SLC9A9: variants seen among roughly 807,000 people sequenced by gnomAD.
SLC9A9 encodes the protein solute carrier family 9 member A9.
SLC9A9 carries 62 observed loss-of-function variants against 77.8 expected under a neutral mutation model. The ratio of observed to expected loss-of-function variants is 0.80; its 90% CI spans 0.65 to 0.98. The LOEUF (loss-of-function observed/expected upper bound fraction) is 0.98, where lower values mean the gene tolerates loss of function less well. Among genes scored for constraint, SLC9A9 ranks in the 50% least tolerant of loss-of-function variants. The probability of loss-of-function intolerance (pLI) is 0.00; values close to 1 mark genes in which losing one functional copy is unlikely to be tolerated. For synonymous variants in SLC9A9, 320 were observed against 283.5 expected, an observed-to-expected ratio of 1.13 and a Z score of -1.29; for missense variants, 775 against 774.9, an observed-to-expected ratio of 1.00 and a Z score of 0.00.
intron 4 of SLC9A9, among the ~76,000 whole-genome samples, chr3:143,777,551 T>C (rs2007731268): frequency 6.6e-6 from 1 of 152,130 alleles, no homozygotes; most frequent in Non-Finnish European, 1.5e-5. Flanking sequence ...AGCTATAACA[T>C]AAAAATGATT....
At chr3:143,606,400 ATCTCTCTCTCTCTC>A (rs746582477) in intron 6 of SLC9A9, among the ~76,000 whole-genome samples, 15 of 76,450 alleles carry the variant, frequency 2.0e-4, no homozygotes, top group African/African-American at 8.5e-4. Flanking sequence ...GAAAGAGTGA[ATCTCTCTCTCTCTC>A]TCTCTCTCTC....
intron 12 of SLC9A9, among the ~76,000 whole-genome samples, chr3:143,398,413 G>A (rs2033776657): frequency 6.6e-6 from 1 of 152,158 alleles, no homozygotes; most frequent in Non-Finnish European, 1.5e-5. Context: ...AAGCGTGGAA[G>A]GCAGGCAGCG....
chr3:143,719,885 G>A (rs751041169), intron 4 of SLC9A9, among the ~76,000 whole-genome samples: 1 of 152,030 alleles, frequency 6.6e-6, no homozygotes, highest in South Asian at 2.1e-4. Flanking sequence ...CGGAGTCAGA[G>A]GCCTTCATAC....
chr3:143,322,861 A>G (rs1475538228), intron 14 of SLC9A9, among the ~76,000 whole-genome samples: 2 of 152,206 alleles, frequency 1.3e-5, no homozygotes, highest in Admixed American at 1.3e-4. Context: ...TGATAAAGCC[A>G]ATAAGAACTA....
intron 11 of SLC9A9, among the ~76,000 whole-genome samples, chr3:143,475,791 C>CA (rs374147740): frequency 0.51 from 66,523 of 129,436 alleles, 17,323 homozygotes; most frequent in Non-Finnish European, 0.6. Flanking sequence ...GACTCCATCT[C>CA]AAAAAAAAAA....
At chr3:143,518,364 T>C in intron 9 of SLC9A9, 1 of 615,208 alleles carries the variant, frequency 1.6e-6, no homozygotes, top group Non-Finnish European at 2.9e-6. Flanking sequence ...TGTTATCTAT[T>C]GAGTAGATAT....
In SLC9A9 at chr3:143,299,891, G is replaced by A. The variant is rs548625556; in HGVS notation, c.1605-30911C>T. 3.9e-5 allele frequency among the ~76,000 whole-genome samples: 6 copies of A among 152,324 alleles called. No individual in the cohort carries two copies. In the South Asian group the frequency reaches 8.3e-4, roughly 21 times the overall value. Reference sequence around the variant, plus strand: ...TTATCCTGGCTTTAAAGAGCTAGATGACCTCAGGTAGGTCACTTAAACTTT... The same window carrying A: ...TTATCCTGGCTTTAAAGAGCTAGATAACCTCAGGTAGGTCACTTAAACTTT... On this transcript the variant is annotated intron_variant, in intron 14 of 15. Transcript: ENST00000316549.
intron 12 of SLC9A9, among the ~76,000 whole-genome samples, chr3:143,395,173 G>A (rs1307653442): frequency 6.6e-6 from 1 of 152,166 alleles, no homozygotes; most frequent in East Asian, 1.9e-4. Context: ...AAAGCTGGAG[G>A]CATCATGCTA....
chr3:143,723,895 G>A (rs945232239), intron 4 of SLC9A9, among the ~76,000 whole-genome samples: 1 of 152,164 alleles, frequency 6.6e-6, no homozygotes, highest in Non-Finnish European at 1.5e-5. Context: ...CAGGTGATTC[G>A]AATTTGAGAA....
rs1303994841 is a variant in SLC9A9, at chr3:143,574,203, A to C, written c.895-10T>G. ...TGGTAAATTTGGTCAAGTGAGGAAGATAAGTTAAGGGAAACAACAACAGCT... is the reference window on the plus strand; with the variant it reads ...TGGTAAATTTGGTCAAGTGAGGAAGCTAAGTTAAGGGAAACAACAACAGCT... On this transcript the variant is annotated splice_polypyrimidine_tract_variant and intron_variant, in intron 7 of 15. Transcript: ENST00000316549. 6.2e-7 allele frequency: 1 copy of C among 1,607,614 alleles called. No individual in the cohort carries two copies. Among genetic ancestry groups the C allele is most frequent in the Non-Finnish European group, 8.5e-7 (1 of 1,174,952 alleles).
intron 11 of SLC9A9, among the ~76,000 whole-genome samples, chr3:143,487,662 A>C (rs2035675662): frequency 2.0e-5 from 3 of 151,944 alleles, no homozygotes; most frequent in Admixed American, 1.3e-4. Context: ...GATCAAGAAT[A>C]AAATCAGAAG....
intron 5 of SLC9A9, among the ~76,000 whole-genome samples, chr3:143,657,792 AT>A (rs1232474263): frequency 6.6e-6 from 1 of 152,156 alleles, no homozygotes; most frequent in Non-Finnish European, 1.5e-5. Context: ...ATGTTTTATG[AT>A]TGTTATTTTA....
intron 12 of SLC9A9, among the ~76,000 whole-genome samples, chr3:143,402,230 C>T (rs1193937028): frequency 1.3e-5 from 2 of 152,108 alleles, no homozygotes; most frequent in Non-Finnish European, 2.9e-5. Flanking sequence ...CTGCCTACCT[C>T]AACGAATAAA....
intron 6 of SLC9A9, among the ~76,000 whole-genome samples, chr3:143,584,509 T>G (rs543996406): frequency 1.5e-4 from 23 of 152,226 alleles, no homozygotes; most frequent in Non-Finnish European, 2.8e-4. Flanking sequence ...CTTGCAGGAT[T>G]TCTATTAATT....
chr3:143,385,386 C>G lies in SLC9A9; in HGVS notation c.1470-3272G>C, dbSNP rs538821712. Among the ~76,000 whole-genome samples the G allele has an allele frequency of 3.3e-5, 5 of 152,310 alleles. No homozygotes were observed. In the South Asian group the frequency reaches 1.0e-3, roughly 32 times the overall value. On this transcript the variant is annotated intron_variant, in intron 12 of 15. Transcript: ENST00000316549. ...ACCCTTGCACCCCTTCAGACCAACT[C>G]CCATTGCCTTGGAGGGCAATTTTCT...
intron 2 of SLC9A9, among the ~76,000 whole-genome samples, chr3:143,803,196 C>G (rs776128358): frequency 6.6e-6 from 1 of 152,178 alleles, no homozygotes; most frequent in Non-Finnish European, 1.5e-5. Context: ...AGTCAGCCAG[C>G]CTAATCCCCC....
intron 5 of SLC9A9, among the ~76,000 whole-genome samples, chr3:143,667,426 G>T (rs563363667): frequency 7.2e-4 from 109 of 152,284 alleles, no homozygotes; most frequent in African/African-American, 2.5e-3. Context: ...CATGGGCAAG[G>T]ACTTCATGTC....
intron 8 of SLC9A9, among the ~76,000 whole-genome samples, chr3:143,567,671 G>A (rs2037189773): frequency 6.6e-6 from 1 of 152,162 alleles, no homozygotes; most frequent in African/African-American, 2.4e-5. Context: ...GGCTGCAAAT[G>A]TGGCCCTTGA....
intron 12 of SLC9A9, among the ~76,000 whole-genome samples, chr3:143,448,500 G>A (rs112519025): frequency 7.0e-4 from 106 of 152,194 alleles, no homozygotes; most frequent in African/African-American, 2.5e-3. Flanking sequence ...TTAGAAAATT[G>A]TTAGGCATCC....
Sources: allele counts gnomAD v4.1 joint callset (sites outside exome capture counted in the v4.1 genomes callset), GRCh38; gene constraint gnomAD v4.1.1; transcripts MANE v1.5; gene names NCBI Gene and HGNC (gene_info 2026-07-23, HGNC 2026-07-21).